SHROOM3: variants seen among roughly 807,000 people sequenced by gnomAD.
SHROOM3 encodes the protein shroom family member 3, also known as protein Shroom3.
A neutral mutation model predicts 138.6 loss-of-function variants in SHROOM3; 47 were observed. The ratio of observed to expected loss-of-function variants is 0.34; its 90% CI spans 0.27 to 0.43. The LOEUF is 0.43. Ranked by LOEUF, SHROOM3 falls within the 20% of genes least tolerant of loss-of-function variation. SHROOM3 has a pLI of 1.00. For missense variants in SHROOM3, 2,491 were observed against 2,596.5 expected, an observed-to-expected ratio of 0.96 and a Z score of 0.88; for synonymous variants, 1,062 against 1,063.3, an observed-to-expected ratio of 1.00 and a Z score of 0.02.
Position 76,739,448 on chromosome 4 carries a change from T to A in SHROOM3, c.1275T>A (p.Ser425=). Residue 425 remains serine, a synonymous_variant, in exon 5 of 11, where the codon TCT becomes TCA. Transcript: ENST00000296043. ...PQANSLGSLK[S]PFIEEQLHTV... ...CAAACTCTTTAGGCTCCCTGAAGTC[T>A]CCATTCATAGAGGAGCAGCTGCATA... is the stretch of plus-strand genomic sequence containing the variant. 1 of 1,614,152 alleles carries A rather than the reference T, an allele frequency of 6.2e-7. No individual in the cohort carries two copies. Among genetic ancestry groups the A allele is most frequent in the Non-Finnish European group, 8.5e-7 (1 of 1,180,036 alleles).
chr4:76,719,834 G>A (rs540100236), intron 3 of SHROOM3, among the ~76,000 whole-genome samples: 2 of 152,270 alleles, frequency 1.3e-5, no homozygotes, highest in South Asian at 2.1e-4. Flanking sequence ...GGGATATTGG[G>A]ACAGGCATGG....
At chr4:76,657,188 TCG>T (rs368382027) in intron 2 of SHROOM3, among the ~76,000 whole-genome samples, 20 of 149,554 alleles carry the variant, frequency 1.3e-4, no homozygotes, top group African/African-American at 4.5e-4. Flanking sequence ...TCTCTCTCTC[TCG>T]CTCTCTCTCT....
chr4:76,454,078 T>C (rs535137983), intron 1 of SHROOM3, among the ~76,000 whole-genome samples: 17 of 152,322 alleles, frequency 1.1e-4, no homozygotes, highest in African/African-American at 2.9e-4. Flanking sequence ...AGTTTTGCTC[T>C]TGTTGCTCAG....
chr4:76,531,739 G>A (rs1157525852), intron 1 of SHROOM3, among the ~76,000 whole-genome samples: 1 of 152,048 alleles, frequency 6.6e-6, no homozygotes, highest in Admixed American at 6.6e-5. Context: ...CCAGCATTTG[G>A]AAAATGTCTG....
intron 1 of SHROOM3, among the ~76,000 whole-genome samples, chr4:76,468,165 C>G (rs1731286659): frequency 6.6e-6 from 1 of 152,210 alleles, no homozygotes; most frequent in Non-Finnish European, 1.5e-5. Context: ...TTTGCCTATC[C>G]TCTTGACCAA....
At chr4:76,493,075 G>C (rs1253517406) in intron 1 of SHROOM3, among the ~76,000 whole-genome samples, 2 of 151,916 alleles carry the variant, frequency 1.3e-5, no homozygotes, top group Non-Finnish European at 2.9e-5. Context: ...ACAAAAATTA[G>C]CTGGCCATGG....
chr4:76,548,363 C>T (rs956427905), intron 1 of SHROOM3, among the ~76,000 whole-genome samples: 2 of 152,160 alleles, frequency 1.3e-5, no homozygotes, highest in African/African-American at 2.4e-5. Flanking sequence ...GGCACAAACC[C>T]TGGAGAAGCA....
Position 76,754,533 on chromosome 4 carries a change from C to T in SHROOM3, c.4050C>T (p.Pro1350=), listed in dbSNP as rs766465201. Residue 1350 remains proline, a synonymous_variant, in exon 7 of 11, where the codon CCC becomes CCT. Coordinates refer to ENST00000296043, the MANE Select transcript of SHROOM3 (RefSeq NM_020859.4). Reference sequence around the variant, plus strand: ...TGGTCACAGACACCAGGGCTGCACCCCTGACCCCAATTGGCACCCCTCTGC... The same window carrying T: ...TGGTCACAGACACCAGGGCTGCACCTCTGACCCCAATTGGCACCCCTCTGC... ...QGLVTDTRAA[P]LTPIGTPLPS... 1 of 1,613,658 alleles carries T rather than the reference C, an allele frequency of 6.2e-7. No homozygotes were observed. Among genetic ancestry groups the T allele is most frequent in the Non-Finnish European group, 8.5e-7 (1 of 1,179,666 alleles).
At chr4:76,493,482 C>A (rs1281274312) in intron 1 of SHROOM3, among the ~76,000 whole-genome samples, 1 of 152,064 alleles carries the variant, frequency 6.6e-6, no homozygotes, top group Admixed American at 6.6e-5. Flanking sequence ...CAAAGAGGAG[C>A]TGCAGAGGAT....
intron 2 of SHROOM3, among the ~76,000 whole-genome samples, chr4:76,626,337 G>A (rs1735143337): frequency 6.6e-6 from 1 of 151,988 alleles, no homozygotes; most frequent in African/African-American, 2.4e-5. Flanking sequence ...ATTAATTGTG[G>A]GTATTTAAAT....
chr4:76,505,078 G>A (rs1170663194), intron 1 of SHROOM3, among the ~76,000 whole-genome samples: 1 of 152,194 alleles, frequency 6.6e-6, no homozygotes, highest in Admixed American at 6.5e-5. Flanking sequence ...ATGAGAGAAT[G>A]TACAAAGAGT....
intron 9 of SHROOM3, among the ~76,000 whole-genome samples, chr4:76,768,152 T>A (rs1227840794): frequency 6.6e-6 from 1 of 152,244 alleles, no homozygotes; most frequent in Admixed American, 6.5e-5. Context: ...TTCTCTCTCA[T>A]TATCTGTCTG....
chr4:76,740,363 T>C lies in SHROOM3; in HGVS notation c.2190T>C (p.Gly730=). The change falls in exon 5 of 11, where the codon GGT becomes GGC. Residue 730 remains glycine (G), a synonymous_variant. Transcript: ENST00000296043. The surrounding 1 kb of genome is among the most constrained non-coding windows in gnomAD (Gnocchi z 4.0). ...VSYPRPEGRT[G]ASASFNSTDP... is the part of the protein sequence containing the mutation. ...ACCCGCGGCCCGAGGGGAGGACCGGTGCCTCGGCTTCTTTCAACAGCACAG... is the reference window on the plus strand; with the variant it reads ...ACCCGCGGCCCGAGGGGAGGACCGGCGCCTCGGCTTCTTTCAACAGCACAG... 2 of 1,612,994 alleles carry C rather than the reference T, an allele frequency of 1.2e-6. No individual in the cohort carries two copies. The highest frequency in any genetic ancestry group is 1.7e-6 in the Non-Finnish European group (2 of 1,179,996).
intron 4 of SHROOM3, among the ~76,000 whole-genome samples, chr4:76,734,719 ATAT>A (rs1347585240): frequency 3.9e-5 from 6 of 152,188 alleles, no homozygotes; most frequent in Non-Finnish European, 8.8e-5. Context: ...AAATAGAATG[ATAT>A]TATAAAAATA....
At chr4:76,681,594 GGTGTGTGT>G (rs558707266) in intron 2 of SHROOM3, among the ~76,000 whole-genome samples, 9 of 81,020 alleles carry the variant, frequency 1.1e-4, no homozygotes, top group African/African-American at 1.7e-4. Flanking sequence ...CAGAGTCTAG[GGTGTGTGT>G]GTGTGTGTGT....
intron 1 of SHROOM3, among the ~76,000 whole-genome samples, chr4:76,463,045 T>C (rs2109976966): frequency 6.6e-6 from 1 of 152,282 alleles, no homozygotes; most frequent in Non-Finnish European, 1.5e-5. Flanking sequence ...GGGCATAGGA[T>C]GGAACAGTTT....
intron 2 of SHROOM3, among the ~76,000 whole-genome samples, chr4:76,700,985 A>G (rs1475052257): frequency 1.3e-5 from 2 of 152,096 alleles, no homozygotes; most frequent in East Asian, 1.9e-4. Flanking sequence ...GTGTTTCACC[A>G]TGTTGACCAG....
At chr4:76,526,887 C>A (rs1732701169) in intron 1 of SHROOM3, among the ~76,000 whole-genome samples, 1 of 152,144 alleles carries the variant, frequency 6.6e-6, no homozygotes, top group Admixed American at 6.5e-5. Flanking sequence ...CTTGCATCAC[C>A]TGGTCATGAG....
At chr4:76,670,439 G>C (rs1357175795) in intron 2 of SHROOM3, among the ~76,000 whole-genome samples, 1 of 152,116 alleles carries the variant, frequency 6.6e-6, no homozygotes, top group Non-Finnish European at 1.5e-5. Context: ...TAGGGGGTGG[G>C]AGCAGGGATT....
Sources: gnomAD v4.1 joint callset for allele counts (sites outside exome capture counted in the v4.1 genomes callset) on GRCh38, gnomAD v4.1.1 for gene constraint, Gnocchi (gnomAD v3.1) non-coding constraint, MANE v1.5 for transcripts, NCBI Gene and HGNC (gene_info 2026-07-23, HGNC 2026-07-21) for gene names.